Variants in MAPK14 observed in about 807,000 individuals in gnomAD.
MAPK14 encodes mitogen-activated protein kinase 14.
In MAPK14, 16 loss-of-function variants were observed where a neutral mutation model predicts 49.6. That is an observed-to-expected ratio of 0.32 (90% CI 0.22 to 0.49). The LOEUF is 0.49. MAPK14 is among the 20% of genes least tolerant of loss of function. The pLI, the probability that MAPK14 is intolerant of heterozygous loss-of-function variation, is 0.99. For synonymous variants in MAPK14, 142 were observed against 158.0 expected (o/e 0.90, Z 0.76); for missense variants, 200 against 441.2 (o/e 0.45, Z 4.90).
rs1256333268 is a variant in MAPK14, at chr6:36,072,775, CAAAAACCAA to C, written c.306-84_306-76del. On this transcript the variant is annotated intron_variant, in intron 3 of 11. Coordinates refer to ENST00000229794, the MANE Select transcript of MAPK14 (RefSeq NM_139012.3). ...CGAGACTCCATTTCAAAAACAAAAA[CAAAAACCAA>C]AAAAACCAAAAAACTTATAAAAGTC... 24 of 667,850 alleles carry C rather than the reference CAAAAACCAA, an allele frequency of 3.6e-5. No homozygotes were observed. The East Asian group carries it at 6.3e-4, about 18-fold the overall frequency. 41.4% of individuals were successfully genotyped at this position (667,850 alleles called of 1,614,324 possible).
At chr6:36,102,285 ACTT>A (rs1765664611) in intron 9 of MAPK14, among the ~76,000 whole-genome samples, 1 of 152,198 alleles carries the variant, frequency 6.6e-6, no homozygotes, top group African/African-American at 2.4e-5. Flanking sequence ...CAGTTTTTAA[ACTT>A]CTCATCCTGT....
rs145989032 is a variant in MAPK14 at position 36,068,462 on chromosome 6, A to T, written c.306-4411A>T. The stretch of plus-strand genomic sequence containing the variant: ...AGAAACACTCTTCCCCTGTGTTGAG[A>T]ATAGACTGTAGTAAGTCCCAAGGAT... On this transcript the variant is annotated intron_variant, in intron 3 of 11. Coordinates refer to ENST00000229794, the MANE Select transcript of MAPK14 (RefSeq NM_139012.3). Among the ~76,000 whole-genome samples, 271 of 152,302 alleles carry T rather than the reference A, an allele frequency of 1.8e-3. 1 individual carries two copies. The highest frequency in any genetic ancestry group is 1.6e-3 in the Non-Finnish European group (112 of 68,022).
At chr6:36,044,539 G>A (rs1019815209) in intron 1 of MAPK14, among the ~76,000 whole-genome samples, 8 of 152,102 alleles carry the variant, frequency 5.3e-5, no homozygotes, top group Admixed American at 2.0e-4. Context: ...TGCCCATCAT[G>A]GAATATAAAC....
the MAPK14 span, among the ~76,000 whole-genome samples, chr6:36,117,982 TA>T: frequency 6.6e-6 from 1 of 152,222 alleles, no homozygotes; most frequent in Non-Finnish European, 1.5e-5. Flanking sequence ...ACCAAATATG[TA>T]GGGGTTATCT....
chr6:36,055,658 G>A (rs1237902925), intron 2 of MAPK14, among the ~76,000 whole-genome samples: 3 of 151,924 alleles, frequency 2.0e-5, no homozygotes, highest in Non-Finnish European at 2.9e-5. Flanking sequence ...ATGGCTGGGC[G>A]CAGTGGCTCA....
At chr6:36,078,105 AT>A (rs1372979531) in intron 8 of MAPK14, among the ~76,000 whole-genome samples, 3 of 152,348 alleles carry the variant, frequency 2.0e-5, no homozygotes, top group South Asian at 2.1e-4. Context: ...GGTTAAGCAC[AT>A]GCTCTGGAGC....
intron 9 of MAPK14, among the ~76,000 whole-genome samples, chr6:36,101,852 A>G (rs1304100804): frequency 6.6e-6 from 1 of 152,226 alleles, no homozygotes; most frequent in African/African-American, 2.4e-5. Context: ...ATGTGTAAAC[A>G]TAAATATACA....
intron 1 of MAPK14, chr6:36,029,270 CG>C: frequency 6.6e-6 from 1 of 152,084 alleles, no homozygotes; most frequent in Admixed American, 6.5e-5. Flanking sequence ...CTGAGGTACA[CG>C]ATGGTTTTCG....
the MAPK14 span, among the ~76,000 whole-genome samples, chr6:36,121,800 C>T: frequency 2.6e-5 from 4 of 152,202 alleles, no homozygotes; most frequent in Non-Finnish European, 4.4e-5. Flanking sequence ...GGCAAGACTA[C>T]CTGGTCTTCA....
chr6:36,096,890 A>G (rs1765463800), intron 9 of MAPK14: 1 of 152,280 alleles, frequency 6.6e-6, no homozygotes, highest in African/African-American at 2.4e-5. Flanking sequence ...GCATGAGAGA[A>G]GCCATGAAAG....
At chr6:36,074,774 C>T (rs1442265158) in intron 6 of MAPK14, among the ~76,000 whole-genome samples, 3 of 151,912 alleles carry the variant, frequency 2.0e-5, no homozygotes, top group Non-Finnish European at 4.4e-5. Context: ...CGCCATCACA[C>T]CCGGCTAATT....
chr6:36,039,550 C>G (rs895567118), intron 1 of MAPK14, among the ~76,000 whole-genome samples: 14 of 151,976 alleles, frequency 9.2e-5, no homozygotes, highest in African/African-American at 3.4e-4. Context: ...AAACTTATGG[C>G]TTAAAATGTA....
Position 36,028,081 on chromosome 6 carries a change from A to T in MAPK14, c.-77A>T. On this transcript the variant is annotated 5_prime_UTR_variant, in exon 1 of 12. Coordinates refer to ENST00000229794, the MANE Select transcript of MAPK14 (RefSeq NM_139012.3). This position sits in a 1 kb window ranked among gnomAD's most constrained non-coding sequence, Gnocchi z 5.1. ...GTCCCCGCCCGGCTGGGCGGGCAGCAAGGGCCGGGGAGAGGGTGCGGGTGC... is the reference window on the plus strand; with the variant it reads ...GTCCCCGCCCGGCTGGGCGGGCAGCTAGGGCCGGGGAGAGGGTGCGGGTGC... 1.1e-6 allele frequency: 1 copy of T among 937,628 alleles called. No homozygotes were observed. The highest frequency in any genetic ancestry group is 1.6e-6 in the Non-Finnish European group (1 of 612,588). 58.1% of individuals were successfully genotyped at this position (937,628 alleles called of 1,614,324 possible).
At chr6:36,092,905 A>G (rs1765295428) in intron 8 of MAPK14, among the ~76,000 whole-genome samples, 1 of 152,202 alleles carries the variant, frequency 6.6e-6, no homozygotes, top group Non-Finnish European at 1.5e-5. Flanking sequence ...AACCAGAATG[A>G]TCAGACTCAG....
chr6:36,119,834 C>T, the MAPK14 span, among the ~76,000 whole-genome samples: 1 of 152,174 alleles, frequency 6.6e-6, no homozygotes, highest in African/African-American at 2.4e-5. Context: ...ACAGAGACGA[C>T]TCAACATCTT....
chr6:36,060,571 A>G lies in MAPK14; in HGVS notation c.305+1224A>G, dbSNP rs547199286. On this transcript the variant is annotated intron_variant, in intron 3 of 11. Coordinates refer to ENST00000229794, the MANE Select transcript of MAPK14 (RefSeq NM_139012.3). Reference sequence around the variant, plus strand: ...TTCCTTAACCTCCATTCCCCCATTGACCCCAGGGCTGAACCTAACCAGTTT... The same window carrying G: ...TTCCTTAACCTCCATTCCCCCATTGGCCCCAGGGCTGAACCTAACCAGTTT... Among the ~76,000 whole-genome samples the G allele has an allele frequency of 2.1e-4, 32 of 152,098 alleles. No homozygotes were observed. In the South Asian group the frequency reaches 6.3e-3, roughly 30 times the overall value.
In MAPK14 at chr6:36,037,127, T is replaced by C. The variant is rs1430438297; in HGVS notation, c.116+8854T>C. ...GCATACTTAATAGACTACAGTATCA[T>C]GTAAATATAACTTTTATATGCACTG... On this transcript the variant is annotated intron_variant, in intron 1 of 11. Coordinates refer to ENST00000229794, the MANE Select transcript of MAPK14 (RefSeq NM_139012.3). Among the ~76,000 whole-genome samples the C allele has an allele frequency of 3.3e-5, 5 of 152,320 alleles. No homozygotes were observed. In the East Asian group the frequency reaches 9.6e-4, roughly 29 times the overall value.
chr6:36,059,394 C>CT, intron 3 of MAPK14, 47 bp downstream of exon 3: 1 of 1,287,994 alleles, frequency 7.8e-7, no homozygotes, highest in Non-Finnish European at 1.1e-6. Context: ...AGAATGAAGA[C>CT]TAATAGCCCA....
intron 8 of MAPK14, among the ~76,000 whole-genome samples, chr6:36,077,160 C>T (rs1764564125): frequency 6.6e-6 from 1 of 152,150 alleles, no homozygotes; most frequent in Admixed American, 6.5e-5. Flanking sequence ...TCCCAGATTG[C>T]AGCCAAACCC....
Sources: gnomAD v4.1 joint callset for allele counts (sites outside exome capture counted in the v4.1 genomes callset) on GRCh38, gnomAD v4.1.1 for gene constraint, Gnocchi (gnomAD v3.1) non-coding constraint, MANE v1.5 for transcripts, NCBI Gene and HGNC (gene_info 2026-07-23, HGNC 2026-07-21) for gene names.